Variants in LRIG2 observed in about 807,000 individuals in gnomAD.
LRIG2 encodes leucine-rich repeats and immunoglobulin-like domains protein 2.
LRIG2 carries 93 observed loss-of-function variants against 107.8 expected under a neutral mutation model. The ratio of observed to expected loss-of-function variants is 0.86; its 90% CI spans 0.73 to 1.03. The LOEUF (loss-of-function observed/expected upper bound fraction) is 1.03, where lower values mean the gene tolerates loss of function less well. Among genes scored for constraint, LRIG2 ranks in the 50% least tolerant of loss-of-function variants. The probability of loss-of-function intolerance (pLI) is 0.00; values close to 1 mark genes in which losing one functional copy is unlikely to be tolerated. For synonymous variants in LRIG2, 471 were observed against 470.6 expected (o/e 1.00, Z -0.01); for missense variants, 1,226 against 1,296.0 (o/e 0.95, Z 0.83).
chr1:113,118,641 T>C (rs1364295978), intron 16 of LRIG2, among the ~76,000 whole-genome samples: 1 of 152,010 alleles, frequency 6.6e-6, no homozygotes, highest in Non-Finnish European at 1.5e-5. Context: ...TGGCTGTTTC[T>C]GCTCCTCACT....
At chr1:113,119,756 C>G (rs1655168781) in intron 17 of LRIG2, among the ~76,000 whole-genome samples, 1 of 152,182 alleles carries the variant, frequency 6.6e-6, no homozygotes, top group Admixed American at 6.5e-5. Context: ...CAGGATCACA[C>G]TACTGAAAAT....
At chr1:113,108,449 C>T (rs2101052521) in intron 12 of LRIG2, among the ~76,000 whole-genome samples, 1 of 151,624 alleles carries the variant, frequency 6.6e-6, no homozygotes, top group South Asian at 2.1e-4. Context: ...GTCTTGAACT[C>T]CTGACCTCAG....
chr1:113,128,132 G>A lies in LRIG2; in HGVS notation c.*4031G>A, dbSNP rs1336556270. ...TAATTTCTCAACTTTTTGCCAGAAA[G>A]TTGAGCATTTATTCATACTTATTTT... is the stretch of plus-strand genomic sequence containing the variant. On this transcript the variant is annotated 3_prime_UTR_variant, in exon 18 of 18. Transcript: ENST00000361127. 6.6e-6 allele frequency: 1 copy of A among 152,098 alleles called. No homozygotes were observed. The highest frequency in any genetic ancestry group is 1.5e-5 in the Non-Finnish European group (1 of 68,028). 9.4% of individuals were successfully genotyped at this position (152,098 alleles called of 1,614,324 possible). A position where few individuals can be genotyped will look rare whatever the true frequency, so the allele number is the denominator to read the frequency against.
At chr1:113,094,843 TA>T in intron 6 of LRIG2, 88 bp downstream of exon 6, 1 of 1,278,778 alleles carries the variant, frequency 7.8e-7, no homozygotes. Flanking sequence ...TTGTTCTGAT[TA>T]TAGAGATACA....
intron 4 of LRIG2, 35 bp from the exon 5 acceptor site, chr1:113,094,304 A>G (rs557930863): frequency 1.3e-6 from 2 of 1,541,338 alleles, no homozygotes; most frequent in Non-Finnish European, 1.8e-6. Flanking sequence ...TATTTTACTA[A>G]ATTTTTTCTT....
chr1:113,110,745 T>A (rs753949628), intron 13 of LRIG2, among the ~76,000 whole-genome samples, 183 bp downstream of exon 13: 49 of 152,224 alleles, frequency 3.2e-4, no homozygotes, highest in Non-Finnish European at 6.5e-4. Context: ...TGCCCACTTA[T>A]GGTCTCTAAT....
At chr1:113,087,568 C>T (rs1383465013) in intron 1 of LRIG2, among the ~76,000 whole-genome samples, 2 of 152,094 alleles carry the variant, frequency 1.3e-5, no homozygotes, top group Non-Finnish European at 2.9e-5. Flanking sequence ...AGGCTTGTCT[C>T]GAACTCCTGA....
At chr1:113,097,000 A>G (rs373151623) in intron 8 of LRIG2, among the ~76,000 whole-genome samples, 91 of 152,240 alleles carry the variant, frequency 6.0e-4, no homozygotes, top group African/African-American at 1.9e-3. Flanking sequence ...TATCATACCA[A>G]CAGAAGAACA....
At position 113,079,950 on chromosome 1, in the gene LRIG2, A is replaced by G. The variant is rs372622580; in HGVS notation, c.239+6305A>G. Among the ~76,000 whole-genome samples the G allele has an allele frequency of 2.7e-3, 388 of 146,184 alleles. 2 individuals carry two copies. Among genetic ancestry groups the G allele is most frequent in the African/African-American group, 9.3e-3 (367 of 39,428 alleles). On this transcript the variant is annotated intron_variant, in intron 1 of 17. Transcript: ENST00000361127. Reference sequence around the variant, plus strand: ...TCACCATGTTGGCCAGACTGATCTCAAACTCCTTACCTCGTGATCCGCCTG... The same window carrying G: ...TCACCATGTTGGCCAGACTGATCTCGAACTCCTTACCTCGTGATCCGCCTG...
chr1:113,073,256 C>T lies in LRIG2; in HGVS notation c.-151C>T, dbSNP rs796865111. 16 of 684,904 alleles carry T rather than the reference C, an allele frequency of 2.3e-5. No individual in the cohort carries two copies. The African/African-American group carries it at 2.7e-4, about 11-fold the overall frequency. 42.4% of individuals were successfully genotyped at this position (684,904 alleles called of 1,614,324 possible). A position where few individuals can be genotyped will look rare whatever the true frequency, so the allele number is the denominator to read the frequency against. The stretch of plus-strand genomic sequence containing the variant: ...GGCCGTCGACCCCGCTGTCGCGCTG[C>T]GTCTGCTCCTTGCATGCCTTTAGAT... On this transcript the variant is annotated 5_prime_UTR_variant, in exon 1 of 18. Transcript: ENST00000361127.
rs374456754 is a variant in LRIG2 at position 113,098,702 on chromosome 1, T to C, written c.1092-3T>C. On this transcript the variant is annotated splice_polypyrimidine_tract_variant and splice_region_variant and intron_variant, in intron 8 of 17. Coordinates refer to ENST00000361127, the MANE Select transcript of LRIG2 (RefSeq NM_014813.3). Reference sequence around the variant, plus strand: ...CACCTGTCTTTCTCTGACATTTTTGTAGAGACTTAAGAAACAATGAAATTT... The same window carrying C: ...CACCTGTCTTTCTCTGACATTTTTGCAGAGACTTAAGAAACAATGAAATTT... The C allele has an allele frequency of 6.2e-6, 10 of 1,601,668 alleles. No individual in the cohort carries two copies. The African/African-American group carries it at 1.2e-4, about 19-fold the overall frequency.
chr1:113,091,462 TC>T, intron 2 of LRIG2, 79 bp downstream of exon 2: 1 of 851,686 alleles, frequency 1.2e-6, no homozygotes, highest in Non-Finnish European at 1.8e-6. Context: ...GGATGTTTAA[TC>T]CAGAGATGCC....
Position 113,124,419 on chromosome 1 carries a change from G to A in LRIG2, c.*318G>A, listed in dbSNP as rs1208276522. The A allele has an allele frequency of 2.6e-6, 1 of 382,508 alleles. No individual in the cohort carries two copies. Among genetic ancestry groups the A allele is most frequent in the African/African-American group, 2.1e-5 (1 of 48,630 alleles). The allele number at this position is 382,508 out of a possible 1,614,324, so 23.7% of individuals were successfully genotyped here. A position where few individuals can be genotyped will look rare whatever the true frequency, so the allele number is the denominator to read the frequency against. ...GCTTGTCAGGAAGAGTCACATTGCT[G>A]CTTAACATGCTGGATTGCCCTAGTC... On this transcript the variant is annotated 3_prime_UTR_variant, in exon 18 of 18. Transcript: ENST00000361127.
chr1:113,121,187 G>A (rs1488181094), intron 17 of LRIG2, among the ~76,000 whole-genome samples: 2 of 152,110 alleles, frequency 1.3e-5, no homozygotes, highest in Non-Finnish European at 1.5e-5. Flanking sequence ...TTCACTTGGC[G>A]GGTGTTTTTT....
chr1:113,098,247 A>G (rs1380545067), intron 8 of LRIG2, among the ~76,000 whole-genome samples: 3 of 152,102 alleles, frequency 2.0e-5, no homozygotes, highest in Non-Finnish European at 4.4e-5. Context: ...CTGTATTGAT[A>G]TTACTCTCTG....
chr1:113,084,002 T>TAA (rs1318285459), intron 1 of LRIG2, among the ~76,000 whole-genome samples: 3,784 of 53,444 alleles, frequency 0.071, 62 homozygotes, highest in Admixed American at 0.12. Context: ...TAAAGTATAA[T>TAA]AATAATAATA....
chr1:113,077,401 CA>C (rs1400659671), intron 1 of LRIG2, among the ~76,000 whole-genome samples: 1 of 152,178 alleles, frequency 6.6e-6, no homozygotes, highest in African/African-American at 2.4e-5. Context: ...CTTGGCCTCC[CA>C]AAGTGCCAGG....
rs779879748 is a variant in LRIG2, at chr1:113,114,673, G to A, written c.2327G>A (p.Arg776His). Residue 776 changes from arginine (R) to histidine (H), a missense_variant, in exon 15 of 18, where the codon CGT becomes CAT. Physicochemically the swap from Arg to His is conservative, Grantham distance 29. Around this residue, in one of 3 missense-constraint regions of LRIG2, gnomAD observed 642 missense variants for 712.2 expected, o/e 0.90. Coordinates refer to ENST00000361127, the MANE Select transcript of LRIG2 (RefSeq NM_014813.3). The stretch of plus-strand genomic sequence containing the variant: ...ATGTCTAACACCCTTGGGACAGAAC[G>A]TGGCCACATTTACCTAAATGTCATT... ...CIMSNTLGTE[R>H]GHIYLNVISS... The A allele has an allele frequency of 3.0e-5, 48 of 1,613,952 alleles. No homozygotes were observed. The highest frequency in any genetic ancestry group is 6.7e-5 in the African/African-American group (5 of 74,872).
chr1:113,081,477 A>T (rs1419246542), intron 1 of LRIG2, among the ~76,000 whole-genome samples: 9 of 151,304 alleles, frequency 5.9e-5, no homozygotes, highest in African/African-American at 2.2e-4. Flanking sequence ...GGCACGCGCC[A>T]CCATACCCAG....
Sources: allele counts gnomAD v4.1 joint callset (sites outside exome capture counted in the v4.1 genomes callset), GRCh38; gene constraint gnomAD v4.1.1; regional missense constraint gnomAD v4.1.1; transcripts MANE v1.5; gene names NCBI Gene and HGNC (gene_info 2026-07-23, HGNC 2026-07-21).